Variants in BPNT2 observed in about 807,000 individuals in gnomAD.
BPNT2 encodes the protein 3'(2'), 5'-bisphosphate nucleotidase 2.
Under a neutral mutation model 29.3 loss-of-function variants are expected in BPNT2, and 11 were observed. That is an observed-to-expected ratio of 0.38 (90% CI 0.24 to 0.62). The LOEUF (loss-of-function observed/expected upper bound fraction) is 0.62. Ranked by LOEUF, BPNT2 falls within the 20% of genes least tolerant of loss-of-function variation. BPNT2 has a pLI of 0.62. For synonymous variants in BPNT2, 195 were observed against 187.7 expected (o/e 1.04, Z -0.32); for missense variants, 459 against 473.4 (o/e 0.97, Z 0.28).
intron 1 of BPNT2, 109 bp from the exon 2 acceptor site, chr8:56,980,306 C>T (rs1806218709): frequency 2.3e-6 from 2 of 862,732 alleles, no homozygotes; most frequent in South Asian, 3.0e-5. Context: ...ATAAGTAAAT[C>T]CCTATTTTTA....
In BPNT2 at chr8:56,962,990, C is replaced by T. The variant is rs1270845427; in HGVS notation, c.*803G>A. ...TAGTGCTAACCCTGAAACCTTAAAC[C>T]GAACCTTACAAAGTTAAAGACTAAG... On this transcript the variant is annotated 3_prime_UTR_variant, in exon 5 of 5. Coordinates refer to ENST00000262644, the MANE Select transcript of BPNT2 (RefSeq NM_017813.5). 3.9e-5 allele frequency: 6 copies of T among 152,090 alleles called. No homozygotes were observed. The highest frequency in any genetic ancestry group is 2.6e-4 in the Admixed American group (4 of 15,264). The allele number at this position is 152,090 out of a possible 1,614,324, so 9.4% of individuals were successfully genotyped here.
intron 4 of BPNT2, 176 bp from the exon 5 acceptor site, chr8:56,964,240 G>A (rs575412378): frequency 1.3e-5 from 7 of 552,728 alleles, no homozygotes; most frequent in Admixed American, 3.3e-5. Flanking sequence ...TAAAGTAACT[G>A]TATAAACATT....
intron 3 of BPNT2, 52 bp downstream of exon 3, chr8:56,977,998 A>AG: frequency 9.1e-7 from 1 of 1,102,084 alleles, no homozygotes; most frequent in Non-Finnish European, 1.4e-6. Context: ...TAAATACTAT[A>AG]GACAAACAGT....
At chr8:56,974,932 T>C (rs542357222) in intron 3 of BPNT2, among the ~76,000 whole-genome samples, 1 of 152,304 alleles carries the variant, frequency 6.6e-6, no homozygotes, top group East Asian at 1.9e-4. Context: ...AGAATGTCAA[T>C]CTATTTGCCT....
Position 56,993,772 on chromosome 8 carries a change from A to G in BPNT2, c.-187T>C, listed in dbSNP as rs1459273530. ...CCGAGTTGCGCCGCGAAGACCACCAACGCCGCCCCGCGCGCCTGACTCGCC... is the reference window on the plus strand; with the variant it reads ...CCGAGTTGCGCCGCGAAGACCACCAGCGCCGCCCCGCGCGCCTGACTCGCC... On this transcript the variant is annotated 5_prime_UTR_variant, in exon 1 of 5. Transcript: ENST00000262644. The G allele has an allele frequency of 1.4e-6, 1 of 715,070 alleles. No individual in the cohort carries two copies. The highest frequency in any genetic ancestry group is 1.3e-4 in the East Asian group (1 of 7,836). 44.3% of individuals were successfully genotyped at this position (715,070 alleles called of 1,614,324 possible). A position where few individuals can be genotyped will look rare whatever the true frequency, so the allele number is the denominator to read the frequency against.
intron 4 of BPNT2, among the ~76,000 whole-genome samples, chr8:56,965,795 A>AT (rs1337094252): frequency 6.6e-6 from 1 of 152,192 alleles, no homozygotes; most frequent in East Asian, 1.9e-4. Context: ...AGCCTTTCTA[A>AT]TAATACTTAT....
Position 56,993,440 on chromosome 8 carries a change from G to GCGCCGCCGCCAGGCT in BPNT2, c.131_145dup (p.Glu44_Gly48dup), listed in dbSNP as rs1806454061. The GCGCCGCCGCCAGGCT allele has an allele frequency of 6.8e-7, 1 of 1,479,858 alleles. No homozygotes were observed. The allele number at this position is 1,479,858 out of a possible 1,614,324, so 91.7% of individuals were successfully genotyped here. ...ATCGGCCGCGGCCGCGGGCCCCGCC[G>GCGCCGCCGCCAGGCT]CGCCGCCGCCAGGCTCGCCGCCCAG... On this transcript the variant is annotated inframe_insertion, in exon 1 of 5. Coordinates refer to ENST00000262644, the MANE Select transcript of BPNT2 (RefSeq NM_017813.5).
chr8:56,960,062 A>C lies in BPNT2; in HGVS notation c.*3731T>G, dbSNP rs144567359. ...TTATTTTTTCTTTCTAGGATCAATC[A>C]ACACATAGCCAATAGGTAGTTACAG... is the stretch of plus-strand genomic sequence containing the variant. On this transcript the variant is annotated 3_prime_UTR_variant, in exon 5 of 5. Coordinates refer to ENST00000262644, the MANE Select transcript of BPNT2 (RefSeq NM_017813.5). 4 of 152,352 alleles carry C rather than the reference A, an allele frequency of 2.6e-5. No homozygotes were observed. The East Asian group carries it at 7.7e-4, about 29-fold the overall frequency. 9.4% of individuals were successfully genotyped at this position (152,352 alleles called of 1,614,324 possible).
chr8:56,971,787 C>CCCG lies in BPNT2; in HGVS notation c.647-5436_647-5435insCGG, dbSNP rs890179001. Among the ~76,000 whole-genome samples the CCCG allele has an allele frequency of 7.6e-5, 11 of 144,258 alleles. 1 individual carries two copies. The Middle Eastern group carries it at 0.011, about 142-fold the overall frequency. The allele number at this position is 144,258 out of a possible 152,430, so 94.6% of individuals were successfully genotyped here. A position where few individuals can be genotyped will look rare whatever the true frequency, so the allele number is the denominator to read the frequency against. Reference sequence around the variant, plus strand: ...TACTGAAATAATTTTGTACCACCCCCCCCCCCACAATGCTACTGTGTGGGC... The same window carrying CCCG: ...TACTGAAATAATTTTGTACCACCCCCCCGCCCCCCACAATGCTACTGTGTGGGC... On this transcript the variant is annotated intron_variant, in intron 3 of 4. Transcript: ENST00000262644.
chr8:56,964,034 G>C lies in BPNT2; in HGVS notation c.839C>G (p.Pro280Arg), dbSNP rs755077755. 1 of 1,602,394 alleles carries C rather than the reference G, an allele frequency of 6.2e-7. No homozygotes were observed. The highest frequency in any genetic ancestry group is 8.5e-7 in the Non-Finnish European group (1 of 1,172,636). ...GYKVLALLDVPDKSQEKADLY... is the reference protein window; with the variant it reads ...GYKVLALLDVRDKSQEKADLY... ...ATCAGCTTTTTCTTGACTCTTATCA[G>C]GCACATCCAAAAGTGCTAAAACTTT... is the stretch of plus-strand genomic sequence containing the variant. The change falls in exon 5 of 5, where the codon CCT (proline) becomes CGT (arginine). Residue 280 changes from proline (P) to arginine (R), a missense_variant. By Grantham distance (103) the Pro-to-Arg change is moderately radical (BLOSUM62 -2). Transcript: ENST00000262644.
intron 3 of BPNT2, among the ~76,000 whole-genome samples, chr8:56,976,755 G>C (rs190623634): frequency 1.3e-5 from 2 of 152,210 alleles, no homozygotes; most frequent in Admixed American, 1.3e-4. Flanking sequence ...TTCACAGACA[G>C]CCTTTTTATG....
At chr8:56,981,501 G>A (rs913824843) in intron 1 of BPNT2, among the ~76,000 whole-genome samples, 13 of 152,048 alleles carry the variant, frequency 8.5e-5, no homozygotes, top group Admixed American at 7.2e-4. Context: ...GGAGGTGGAG[G>A]TTGCAGTGAG....
intron 1 of BPNT2, among the ~76,000 whole-genome samples, chr8:56,990,711 C>T (rs1044825142): frequency 6.6e-6 from 1 of 152,060 alleles, no homozygotes; most frequent in Admixed American, 6.5e-5. Flanking sequence ...CATCCCACCC[C>T]TGGTTGTGAC....
intron 3 of BPNT2, among the ~76,000 whole-genome samples, chr8:56,972,094 GAAAAA>G (rs953725281): frequency 1.1e-4 from 15 of 140,850 alleles, no homozygotes; most frequent in Non-Finnish European, 2.3e-4. Context: ...TCAAAAAAAA[GAAAAA>G]AAAAAAGAAA....
At chr8:56,966,862 C>T (rs11783228) in intron 3 of BPNT2, among the ~76,000 whole-genome samples, 16 of 152,184 alleles carry the variant, frequency 1.1e-4, no homozygotes, top group Non-Finnish European at 1.9e-4. Flanking sequence ...CTTCTATATA[C>T]TCATGGTTTC....
Position 56,966,251 on chromosome 8 carries a change from T to C in BPNT2, c.748A>G (p.Lys250Glu). 6.2e-7 allele frequency: 1 copy of C among 1,614,152 alleles called. No individual in the cohort carries two copies. The highest frequency in any genetic ancestry group is 8.5e-7 in the Non-Finnish European group (1 of 1,179,990). The change falls in exon 4 of 5, where the codon AAA becomes GAA. Residue 250 changes from lysine (K) to glutamate (E), a missense_variant. Transcript: ENST00000262644. Reference protein sequence around the residue: ...VVSRSHSGMVKQVALQTFGNQ... With the variant: ...VVSRSHSGMVEQVALQTFGNQ... The stretch of plus-strand genomic sequence containing the variant: ...CCAAAAGTCTGAAGAGCGACCTGTT[T>C]GACCATCCCTGAATGGGAACGAGAC...
Position 56,963,975 on chromosome 8 carries a change from C to G in BPNT2, c.898G>C (p.Asp300His). 6.2e-7 allele frequency: 1 copy of G among 1,613,622 alleles called. No individual in the cohort carries two copies. The highest frequency in any genetic ancestry group is 8.5e-7 in the Non-Finnish European group (1 of 1,179,766). The change falls in exon 5 of 5, where the codon GAT becomes CAT. Residue 300 changes from aspartate to histidine, a missense_variant. By Grantham distance (81) the Asp-to-His change is moderately conservative. Transcript: ENST00000262644. ...AAGATGGCATTACCAGCACATATAT[C>G]CCACTTTTTGATGTATGTCACATGG... ...YIHVTYIKKW[D>H]ICAGNAILKA...
chr8:56,973,292 C>T (rs1219519285), intron 3 of BPNT2, among the ~76,000 whole-genome samples: 1 of 151,976 alleles, frequency 6.6e-6, no homozygotes, highest in African/African-American at 2.4e-5. Flanking sequence ...GCCTCTAGAG[C>T]AGGAGGTCAT....
In BPNT2 at chr8:56,966,496, C is replaced by T. The variant is rs1052966225; in HGVS notation, c.647-144G>A. ...TTGTATTTTCCCCCAAAACAGAAAGCTTTTTTTTTCAGAGTACAAAAGTAG... is the reference window on the plus strand; with the variant it reads ...TTGTATTTTCCCCCAAAACAGAAAGTTTTTTTTTTCAGAGTACAAAAGTAG... On this transcript the variant is annotated intron_variant, in intron 3 of 4. Coordinates refer to ENST00000262644, the MANE Select transcript of BPNT2 (RefSeq NM_017813.5). 2.8e-5 allele frequency: 20 copies of T among 713,044 alleles called. No homozygotes were observed. In the Admixed American group the frequency reaches 4.9e-4, roughly 18 times the overall value. 44.2% of individuals were successfully genotyped at this position (713,044 alleles called of 1,614,324 possible). A position where few individuals can be genotyped will look rare whatever the true frequency, so the allele number is the denominator to read the frequency against.
Sources: gnomAD v4.1 joint callset for allele counts (sites outside exome capture counted in the v4.1 genomes callset) on GRCh38, gnomAD v4.1.1 for gene constraint, MANE v1.5 for transcripts, NCBI Gene and HGNC (gene_info 2026-07-23, HGNC 2026-07-21) for gene names.